SEC16A: variants seen among roughly 807,000 people sequenced by gnomAD.
The protein encoded by SEC16A is protein transport protein Sec16A.
In SEC16A, 110 loss-of-function variants were observed where a neutral mutation model predicts 221.9. The ratio of observed to expected loss-of-function variants is 0.50; its 90% CI spans 0.42 to 0.58. The LOEUF (loss-of-function observed/expected upper bound fraction) is 0.58. Ranked by LOEUF, SEC16A falls within the 20% of genes least tolerant of loss-of-function variation. SEC16A has a pLI of 0.00. For synonymous variants in SEC16A, 1,393 were observed against 1,257.7 expected (o/e 1.11, Z -2.28); for missense variants, 3,165 against 3,097.8 (o/e 1.02, Z -0.52).
At chr9:136,446,726 A>C in intron 28 of SEC16A, 129 bp downstream of exon 28, 2 of 875,742 alleles carry the variant, frequency 2.3e-6, no homozygotes, top group East Asian at 5.3e-5. Context: ...CATAAGTGTG[A>C]GGCGTTTAAG....
intron 28 of SEC16A, among the ~76,000 whole-genome samples, chr9:136,446,262 C>T (rs1027241924): frequency 6.6e-6 from 1 of 151,924 alleles, no homozygotes; most frequent in African/African-American, 2.4e-5. Context: ...CCCGCCACCA[C>T]ACCCAGGTAA....
intron 1 of SEC16A, among the ~76,000 whole-genome samples, chr9:136,479,326 C>T (rs1842028939): frequency 1.3e-5 from 2 of 152,150 alleles, no homozygotes; most frequent in Admixed American, 6.5e-5. Flanking sequence ...AAAAATTAAA[C>T]CAAAGGGGAG....
Position 136,476,318 on chromosome 9 carries a change from T to A in SEC16A, c.1298A>T (p.Asn433Ile). 6.2e-7 allele frequency: 1 copy of A among 1,612,666 alleles called. No individual in the cohort carries two copies. The highest frequency in any genetic ancestry group is 8.5e-7 in the Non-Finnish European group (1 of 1,179,790). ...ACCCCACACATCACCAGCAGCCTCA[T>A]TGCTGGGGCCTGGGAGAAGGGCCTG... ...LCQALLPGPS[N>I]EAAGDVWGDT... Residue 433 changes from asparagine to isoleucine, a missense_variant, in exon 3 of 32, where the codon AAT becomes ATT. Asn to Ile is a moderately radical substitution (Grantham distance 149, BLOSUM62 -3). This residue lies in a region of SEC16A where 2,030 missense variants were observed against 1,923.1 expected (regional missense o/e 1.06). Transcript: ENST00000684901.
rs963694165 is a variant in SEC16A at position 136,472,021 on chromosome 9, G to A, written c.3658C>T (p.Arg1220Trp). The change falls in exon 4 of 32, where the codon CGG (arginine) becomes TGG (tryptophan). Residue 1220 changes from arginine (R) to tryptophan (W), a missense_variant. By Grantham distance (101) the Arg-to-Trp change is moderately radical. Around this residue, in one of 3 missense-constraint regions of SEC16A, gnomAD observed 2,030 missense variants for 1,923.1 expected, o/e 1.06. Transcript: ENST00000684901. ...GAGTGGCTGGCTCGGGAGCTGGGCC[G>A]CTCGGGCTCGGGATAGCGGTAGTTC... ...AQNYRYPEPERPSSRASHSSE... is the reference protein window; with the variant it reads ...AQNYRYPEPEWPSSRASHSSE... 2.5e-6 allele frequency: 4 copies of A among 1,611,762 alleles called. No individual in the cohort carries two copies. Among genetic ancestry groups the A allele is most frequent in the South Asian group, 1.1e-5 (1 of 91,080 alleles).
chr9:136,468,214 T>G (rs1211734317), intron 5 of SEC16A, among the ~76,000 whole-genome samples: 1 of 152,254 alleles, frequency 6.6e-6, no homozygotes, highest in East Asian at 1.9e-4. Flanking sequence ...AATTTAGTAA[T>G]GAAAAATATC....
At chr9:136,481,178 AGG>A (rs1842292941) in intron 1 of SEC16A, among the ~76,000 whole-genome samples, 2 of 110,398 alleles carry the variant, frequency 1.8e-5, no homozygotes, top group Non-Finnish European at 3.4e-5. Context: ...TCTTTCACCC[AGG>A]CTGGAGTGCA....
intron 12 of SEC16A, among the ~76,000 whole-genome samples, chr9:136,461,553 C>T (rs924539709): frequency 1.1e-4 from 17 of 152,236 alleles, no homozygotes; most frequent in Admixed American, 8.5e-4. Context: ...GGGCTAATCA[C>T]GCAGCGCTGC....
intron 1 of SEC16A, among the ~76,000 whole-genome samples, chr9:136,479,515 G>A (rs990073223): frequency 3.3e-5 from 5 of 152,200 alleles, no homozygotes; most frequent in African/African-American, 1.2e-4. Context: ...ACCATGCCAG[G>A]CTAATTTTTT....
At chr9:136,478,161 T>A (rs1472099354) in intron 2 of SEC16A, among the ~76,000 whole-genome samples, 2 of 152,144 alleles carry the variant, frequency 1.3e-5, no homozygotes, top group African/African-American at 2.4e-5. Flanking sequence ...TCCCAACACT[T>A]TAAGAGGCCA....
chr9:136,445,500 C>T (rs1242707642), intron 29 of SEC16A, 145 bp downstream of exon 29: 1 of 676,598 alleles, frequency 1.5e-6, no homozygotes. Context: ...TTTTTTTCCC[C>T]CAGGAACACC....
chr9:136,454,109 C>A lies in SEC16A; in HGVS notation c.6076G>T (p.Gly2026Trp), dbSNP rs1050406033. ...LLQEARSPDPGIVPQEAPVGN... is the reference protein window; with the variant it reads ...LLQEARSPDPWIVPQEAPVGN... The stretch of plus-strand genomic sequence containing the variant: ...CGAGACAGCATCTCTGCAGCCCCAC[C>A]TGGGTCTGGGCTCCTGGCTTCCTGG... The change falls in exon 21 of 32, where the codon GGG (glycine) becomes TGG (tryptophan). Residue 2026 changes from glycine to tryptophan, a missense_variant and splice_region_variant. Coordinates refer to ENST00000684901, the MANE Select transcript of SEC16A (RefSeq NM_014866.2). 9 of 1,550,344 alleles carry A rather than the reference C, an allele frequency of 5.8e-6. No homozygotes were observed. In the Admixed American group the frequency reaches 1.8e-4, roughly 30 times the overall value.
At chr9:136,451,117 T>G in intron 23 of SEC16A, 139 bp downstream of exon 23, 2 of 838,040 alleles carry the variant, frequency 2.4e-6, no homozygotes, top group East Asian at 2.7e-5. Flanking sequence ...CATCATGCCG[T>G]GTGCACTGTA....
In SEC16A at chr9:136,443,872, C is replaced by G; in HGVS notation, c.6956G>C (p.Gly2319Ala). ...QAPGDLPAAG[G>A]PPSGAMPFYN... ...GAAGGGCATGGCCCCGCTGGGAGGG[C>G]CCCCTGCAGCAGGGAGGTCGCCAGG... The change falls in exon 31 of 32, where the codon GGC (glycine) becomes GCC (alanine). Residue 2319 changes from glycine to alanine, a missense_variant. Gly to Ala is a moderately conservative substitution (Grantham distance 60). Coordinates refer to ENST00000684901, the MANE Select transcript of SEC16A (RefSeq NM_014866.2). The G allele has an allele frequency of 6.2e-7, 1 of 1,610,578 alleles. No homozygotes were observed. The highest frequency in any genetic ancestry group is 8.5e-7 in the Non-Finnish European group (1 of 1,178,460).
chr9:136,473,196 C>T (rs1841125408), intron 3 of SEC16A, among the ~76,000 whole-genome samples: 1 of 152,260 alleles, frequency 6.6e-6, no homozygotes, highest in East Asian at 1.9e-4. Context: ...CTTCTGACTG[C>T]AAGGCCTTCC....
chr9:136,458,583 G>A (rs1434756318), intron 17 of SEC16A, among the ~76,000 whole-genome samples: 7 of 148,966 alleles, frequency 4.7e-5, no homozygotes, highest in East Asian at 2.0e-4. Context: ...AGCGGAGATC[G>A]TGCCACTGCA....
In SEC16A at chr9:136,447,550, A is replaced by T. The variant is rs905235140; in HGVS notation, c.6559+19T>A. 6.3e-7 allele frequency: 1 copy of T among 1,596,482 alleles called. No homozygotes were observed. Among genetic ancestry groups the T allele is most frequent in the Non-Finnish European group, 8.6e-7 (1 of 1,164,474 alleles). ...CAGTTAATCGTTCAAGCAAGCTCCC[A>T]CTCCAAGGCCACCCTTACCTGCTCT... On this transcript the variant is annotated intron_variant, in intron 26 of 31. Coordinates refer to ENST00000684901, the MANE Select transcript of SEC16A (RefSeq NM_014866.2). This position sits in a 1 kb window ranked among gnomAD's most constrained non-coding sequence, Gnocchi z 5.5.
intron 20 of SEC16A, among the ~76,000 whole-genome samples, chr9:136,454,583 G>T (rs908117354): frequency 6.6e-6 from 1 of 152,212 alleles, no homozygotes; most frequent in Non-Finnish European, 1.5e-5. Flanking sequence ...GGGCTCCAGG[G>T]CCCGGCCCAC....
chr9:136,445,511 A>G, intron 29 of SEC16A, 134 bp downstream of exon 29: 1 of 699,408 alleles, frequency 1.4e-6, no homozygotes, highest in Non-Finnish European at 2.4e-6. Context: ...CAGGAACACC[A>G]CCTTCGAGGT....
rs777107603 is a variant in SEC16A, at chr9:136,466,270, C to T, written c.4122G>A (p.Ser1374=). Residue 1374 remains serine (S), a synonymous_variant, in exon 7 of 32, where the codon TCG becomes TCA. Coordinates refer to ENST00000684901, the MANE Select transcript of SEC16A (RefSeq NM_014866.2). The surrounding 1 kb of genome is among the most constrained non-coding windows in gnomAD (Gnocchi z 5.5). ...GTGAGGCGCCGCCGCGTACCTGGTG[C>T]GAGTGGGAGCTGAGGCTGCTGCGGC... is the stretch of plus-strand genomic sequence containing the variant. ...ASRRSSLSSH[S]HQSQIYRSHN... is the part of the protein sequence containing the mutation. The T allele has an allele frequency of 1.6e-5, 25 of 1,579,752 alleles. No individual in the cohort carries two copies. Among genetic ancestry groups the T allele is most frequent in the Admixed American group, 7.4e-5 (4 of 54,358 alleles).
Sources: gnomAD v4.1 joint callset for allele counts (sites outside exome capture counted in the v4.1 genomes callset) on GRCh38, gnomAD v4.1.1 for gene constraint, gnomAD v4.1.1 regional missense constraint, Gnocchi (gnomAD v3.1) non-coding constraint, MANE v1.5 for transcripts, NCBI Gene and HGNC (gene_info 2026-07-23, HGNC 2026-07-21) for gene names.